Variants in ANKRD12 observed in about 807,000 individuals in gnomAD.
ANKRD12 encodes ankyrin repeat domain 12, also known as ankyrin repeat domain-containing protein 12.
Under a neutral mutation model 183.4 loss-of-function variants are expected in ANKRD12, and 85 were observed. The observed-to-expected ratio is 0.46, with a 90% CI of 0.39 to 0.56. The LOEUF is 0.56. Among genes scored for constraint, ANKRD12 ranks in the 20% least tolerant of loss-of-function variants. The probability of loss-of-function intolerance (pLI) is 0.00; values close to 1 mark genes in which losing one functional copy is unlikely to be tolerated. For synonymous variants in ANKRD12, 914 were observed against 800.2 expected, an observed-to-expected ratio of 1.14 and a Z score of -2.40; for missense variants, 2,405 against 2,357.1, an observed-to-expected ratio of 1.02 and a Z score of -0.42.
intron 2 of ANKRD12, among the ~76,000 whole-genome samples, chr18:9,194,575 T>G (rs905148205): frequency 1.3e-5 from 2 of 152,092 alleles, no homozygotes; most frequent in South Asian, 2.1e-4. Flanking sequence ...CAGGCTGGTC[T>G]CAAACTCCTG....
Position 9,221,872 on chromosome 18 carries a change from T to C in ANKRD12, c.816T>C (p.Arg272=), listed in dbSNP as rs746009253. 18 of 1,613,802 alleles carry C rather than the reference T, an allele frequency of 1.1e-5. No homozygotes were observed. Among genetic ancestry groups the C allele is most frequent in the Non-Finnish European group, 1.5e-5 (18 of 1,179,876 alleles). ...TGCAGATAGTAAAGCTGTTACTTCG[T>C]CACGGTGGAAATCCATTTCAAGCTA... ...GHRDIVKLLL[R]HGGNPFQANK... Residue 272 remains arginine, a synonymous_variant, in exon 8 of 13, where the codon CGT becomes CGC. Transcript: ENST00000262126.
intron 8 of ANKRD12, among the ~76,000 whole-genome samples, chr18:9,233,051 C>A (rs1330567284): frequency 6.6e-6 from 1 of 151,980 alleles, no homozygotes; most frequent in Admixed American, 6.6e-5. Context: ...GGGGTTTCAC[C>A]ATGTTGGCCA....
intron 1 of ANKRD12, among the ~76,000 whole-genome samples, chr18:9,169,199 G>C (rs942575716): frequency 1.3e-5 from 2 of 152,170 alleles, no homozygotes; most frequent in Non-Finnish European, 2.9e-5. Flanking sequence ...CTGTTGATTT[G>C]GGGTGGAGAG....
At chr18:9,196,485 T>A (rs527741237) in intron 3 of ANKRD12, among the ~76,000 whole-genome samples, 1 of 152,350 alleles carries the variant, frequency 6.6e-6, no homozygotes, top group Admixed American at 6.5e-5. Context: ...TAAAAATGTT[T>A]TAGCCTCAGA....
Position 9,257,605 on chromosome 18 carries a change from C to T in ANKRD12, c.4338C>T (p.Ser1446=), listed in dbSNP as rs150466710. Reference sequence around the variant, plus strand: ...ATTCTAACATACCTGATCAAGAATCCTCTCTTCAGAGTTTTTGTAATTCTG... The same window carrying T: ...ATTCTAACATACCTGATCAAGAATCTTCTCTTCAGAGTTTTTGTAATTCTG... ...CPNSNIPDQE[S]SLQSFCNSEN... The change falls in exon 9 of 13, where the codon TCC becomes TCT. Residue 1446 remains serine, a synonymous_variant. Coordinates refer to ENST00000262126, the MANE Select transcript of ANKRD12 (RefSeq NM_015208.5). 4 of 1,613,920 alleles carry T rather than the reference C, an allele frequency of 2.5e-6. No homozygotes were observed. The highest frequency in any genetic ancestry group is 1.7e-5 in the Admixed American group (1 of 59,982).
intron 8 of ANKRD12, chr18:9,250,040 A>G (rs1279957493): frequency 2.0e-5 from 3 of 152,216 alleles, no homozygotes. Context: ...AAATGGGGAT[A>G]ATAACACCTG....
intron 4 of ANKRD12, among the ~76,000 whole-genome samples, chr18:9,207,741 A>C (rs545707264): frequency 4.1e-4 from 62 of 152,186 alleles, no homozygotes; most frequent in African/African-American, 1.4e-3. Flanking sequence ...GGTACCCTCA[A>C]ACCTGGATCA....
At chr18:9,216,990 C>CATA in intron 7 of ANKRD12, 90 bp downstream of exon 7, 4 of 1,232,998 alleles carry the variant, frequency 3.2e-6, no homozygotes, top group Non-Finnish European at 4.6e-6. Flanking sequence ...GTCATATGAT[C>CATA]TGTGTCATAT....
At chr18:9,193,670 C>G (rs1391958675) in intron 2 of ANKRD12, among the ~76,000 whole-genome samples, 1 of 152,104 alleles carries the variant, frequency 6.6e-6, no homozygotes, top group Non-Finnish European at 1.5e-5. Context: ...TTTTCCTCCT[C>G]ATCCCTCCTT....
intron 6 of ANKRD12, among the ~76,000 whole-genome samples, chr18:9,212,255 C>CT (rs1450072493): frequency 2.6e-5 from 4 of 151,940 alleles, no homozygotes; most frequent in African/African-American, 9.7e-5. Context: ...CAAAAATTTT[C>CT]TTTAATTTCA....
At chr18:9,152,333 T>C (rs1369577813) in intron 1 of ANKRD12, among the ~76,000 whole-genome samples, 1 of 152,166 alleles carries the variant, frequency 6.6e-6, no homozygotes, top group Non-Finnish European at 1.5e-5. Flanking sequence ...TTTAATGTAG[T>C]AGTGGAATCC....
chr18:9,145,966 C>T (rs2078479944), intron 1 of ANKRD12, among the ~76,000 whole-genome samples: 1 of 152,050 alleles, frequency 6.6e-6, no homozygotes, highest in Admixed American at 6.5e-5. Context: ...GGAAGAGGTT[C>T]TGTGTATATT....
chr18:9,266,710 A>G (rs1186245510), intron 10 of ANKRD12, among the ~76,000 whole-genome samples: 8 of 152,226 alleles, frequency 5.3e-5, no homozygotes, highest in African/African-American at 1.9e-4. Flanking sequence ...TGCATCAACT[A>G]ACAAGCAAAA....
rs145635775 is a variant in ANKRD12, at chr18:9,215,717, C to T, written c.653-1041C>T. 9.1e-5 allele frequency among the ~76,000 whole-genome samples: 11 copies of T among 120,252 alleles called. No homozygotes were observed. In the East Asian group the frequency reaches 2.6e-3, roughly 28 times the overall value. 78.9% of individuals were successfully genotyped at this position (120,252 alleles called of 152,430 possible). On this transcript the variant is annotated intron_variant, in intron 6 of 12. Coordinates refer to ENST00000262126, the MANE Select transcript of ANKRD12 (RefSeq NM_015208.5). ...AAAAAGCTGTGAAAGCTCTCTCCTCCTGGAGAAAACTGTGTCCAGATGTTG... is the reference window on the plus strand; with the variant it reads ...AAAAAGCTGTGAAAGCTCTCTCCTCTTGGAGAAAACTGTGTCCAGATGTTG...
At chr18:9,138,509 G>A (rs1486208815) in intron 1 of ANKRD12, among the ~76,000 whole-genome samples, 5 of 152,092 alleles carry the variant, frequency 3.3e-5, no homozygotes, top group African/African-American at 1.2e-4. Flanking sequence ...GCGAAACTCC[G>A]TCGCAAAAAC....
At chr18:9,196,853 TC>T (rs1177421980) in intron 3 of ANKRD12, among the ~76,000 whole-genome samples, 2 of 152,100 alleles carry the variant, frequency 1.3e-5, no homozygotes, top group Middle Eastern at 3.4e-3. Flanking sequence ...CTTTTTTTTT[TC>T]CCCCCGAAGC....
chr18:9,182,949 A>AT (rs1239369996), intron 2 of ANKRD12, among the ~76,000 whole-genome samples: 1 of 151,588 alleles, frequency 6.6e-6, no homozygotes. Flanking sequence ...TTGTCTTTGA[A>AT]TTTTTTTTCT....
intron 3 of ANKRD12, among the ~76,000 whole-genome samples, chr18:9,196,391 G>A (rs576735030): frequency 7.7e-4 from 117 of 152,176 alleles, no homozygotes; most frequent in Middle Eastern, 3.4e-3. Flanking sequence ...TGAACTAACC[G>A]ATTTTTGAAA....
At chr18:9,164,108 A>G (rs1157525046) in intron 1 of ANKRD12, among the ~76,000 whole-genome samples, 2 of 152,190 alleles carry the variant, frequency 1.3e-5, no homozygotes, top group Non-Finnish European at 2.9e-5. Context: ...CTGGTTTTCA[A>G]GGGAAATGCT....
Sources: gnomAD v4.1 joint callset for allele counts (sites outside exome capture counted in the v4.1 genomes callset) on GRCh38, gnomAD v4.1.1 for gene constraint, MANE v1.5 for transcripts, NCBI Gene and HGNC (gene_info 2026-07-23, HGNC 2026-07-21) for gene names.